Variants in CLYBL observed in about 807,000 individuals in gnomAD.
CLYBL encodes citramalyl-CoA lyase.
In CLYBL, 31 loss-of-function variants were observed where a neutral mutation model predicts 38.9. The observed-to-expected ratio is 0.80, with a 90% CI of 0.60 to 1.08. The LOEUF is 1.08. Among genes scored for constraint, CLYBL ranks in the 50% least tolerant of loss-of-function variants. The probability of loss-of-function intolerance (pLI) is 0.00; values close to 1 mark genes in which losing one functional copy is unlikely to be tolerated. For synonymous variants in CLYBL, 171 were observed against 158.6 expected (o/e 1.08, Z -0.59); for missense variants, 434 against 411.6 (o/e 1.05, Z -0.47).
rs918601133 is a variant in CLYBL, at chr13:99,748,954, G to A, written c.63-23870G>A. 4.6e-5 allele frequency among the ~76,000 whole-genome samples: 7 copies of A among 151,972 alleles called. No homozygotes were observed. In the East Asian group the frequency reaches 7.8e-4, roughly 17 times the overall value. The stretch of plus-strand genomic sequence containing the variant: ...AACACTTTGGGAGGCCAAGGTGTGC[G>A]GATCACCTGAGGTCAGGAGTTCGAG... On this transcript the variant is annotated intron_variant, in intron 1 of 8. Coordinates refer to ENST00000339105, the MANE Select transcript of CLYBL (RefSeq NM_206808.5).
chr13:99,733,061 A>G (rs1436977842), intron 1 of CLYBL, among the ~76,000 whole-genome samples: 1 of 152,210 alleles, frequency 6.6e-6, no homozygotes, highest in Non-Finnish European at 1.5e-5. Flanking sequence ...TTTAATTCGC[A>G]TCTGTTATGT....
At chr13:99,718,316 G>C (rs2048347704) in intron 1 of CLYBL, among the ~76,000 whole-genome samples, 1 of 150,828 alleles carries the variant, frequency 6.6e-6, no homozygotes, top group Non-Finnish European at 1.5e-5. Flanking sequence ...CCAAGTTCCA[G>C]CCTCTTCTAG....
At chr13:99,731,690 C>T (rs1030156587) in intron 1 of CLYBL, among the ~76,000 whole-genome samples, 1 of 152,162 alleles carries the variant, frequency 6.6e-6, no homozygotes, top group South Asian at 2.1e-4. Flanking sequence ...GGATGGCTCT[C>T]ACGGACGTGC....
chr13:99,897,875 G>A (rs2052600203), downstream of CLYBL, among the ~76,000 whole-genome samples: 1 of 152,086 alleles, frequency 6.6e-6, no homozygotes, highest in South Asian at 2.1e-4. Flanking sequence ...TGACCCGGGA[G>A]GCAGAGGTTG....
intron 1 of CLYBL, among the ~76,000 whole-genome samples, chr13:99,632,634 A>G (rs531147040): frequency 1.3e-5 from 2 of 152,302 alleles, no homozygotes; most frequent in South Asian, 4.1e-4. Flanking sequence ...AGTCCCAGCT[A>G]TTCAAGAGGC....
intron 1 of CLYBL, among the ~76,000 whole-genome samples, chr13:99,674,293 A>T (rs147444340): frequency 0.017 from 2,623 of 151,738 alleles, 77 homozygotes; most frequent in African/African-American, 0.06. Context: ...CTGGGATTAC[A>T]GGCACGTGCC....
At chr13:99,741,465 A>C (rs1404069247) in intron 1 of CLYBL, among the ~76,000 whole-genome samples, 1 of 152,182 alleles carries the variant, frequency 6.6e-6, no homozygotes, top group Non-Finnish European at 1.5e-5. Context: ...TTGTGGGGAT[A>C]CTTGAAGGCT....
At chr13:99,767,689 T>C (rs1222922370) in intron 1 of CLYBL, among the ~76,000 whole-genome samples, 2 of 152,216 alleles carry the variant, frequency 1.3e-5, no homozygotes, top group African/African-American at 4.8e-5. Flanking sequence ...TTGTCCTCTC[T>C]TCAAGTTTGC....
At chr13:99,636,875 C>T (rs767680819) in intron 1 of CLYBL, among the ~76,000 whole-genome samples, 9 of 151,894 alleles carry the variant, frequency 5.9e-5, no homozygotes, top group East Asian at 1.9e-4. Flanking sequence ...AGTGTGGTTG[C>T]GGTCTAATTT....
intron 1 of CLYBL, among the ~76,000 whole-genome samples, chr13:99,608,353 G>A (rs2046565757): frequency 1.3e-5 from 2 of 152,328 alleles, no homozygotes; most frequent in Middle Eastern, 6.8e-3. Context: ...GATTAAAGGC[G>A]TGAGCCACCG....
chr13:99,767,954 T>G, intron 1 of CLYBL, among the ~76,000 whole-genome samples: 1 of 152,190 alleles, frequency 6.6e-6, no homozygotes, highest in East Asian at 1.9e-4. Flanking sequence ...TTCTGTTGAC[T>G]TATTTTTCTT....
chr13:99,866,294 T>C lies in CLYBL; in HGVS notation c.689T>C (p.Val230Ala). 6.2e-7 allele frequency: 1 copy of C among 1,614,086 alleles called. No homozygotes were observed. Among genetic ancestry groups the C allele is most frequent in the Middle Eastern group, 1.7e-4 (1 of 6,034 alleles). The change falls in exon 6 of 9, where the codon GTT (valine) becomes GCT (alanine). Residue 230 changes from valine to alanine, a missense_variant. Transcript: ENST00000339105. ...ATTCTCTACGCCCGGCAAAAGATTG[T>C]TGTCATAGCGAAAGCCTTTGGTCTC... ...LDILYARQKI[V>A]VIAKAFGLQA...
chr13:99,607,882 T>C (rs2046553512), intron 1 of CLYBL, among the ~76,000 whole-genome samples: 1 of 152,080 alleles, frequency 6.6e-6, no homozygotes, highest in African/African-American at 2.4e-5. Context: ...TGGCTGGCAT[T>C]ACAGGTGTGC....
rs1260332084 is a variant in CLYBL at position 99,716,787 on chromosome 13, C to CTTTTTTTTTTTTT, written c.63-56028_63-56016dup. ...CTCTTACTTTAATTTCTTTTCTTTT[C>CTTTTTTTTTTTTT]TTTTTTTTTTTTTTTTTTTTTGAGA... On this transcript the variant is annotated intron_variant, in intron 1 of 8. Transcript: ENST00000339105. Among the ~76,000 whole-genome samples, 21 of 100,902 alleles carry CTTTTTTTTTTTTT rather than the reference C, an allele frequency of 2.1e-4. 1 individual carries two copies. Among genetic ancestry groups the CTTTTTTTTTTTTT allele is most frequent in the South Asian group, 3.4e-4 (1 of 2,918 alleles). The allele number at this position is 100,902 out of a possible 152,430, so 66.2% of individuals were successfully genotyped here.
chr13:99,733,252 A>G (rs777232429), intron 1 of CLYBL, among the ~76,000 whole-genome samples: 2 of 151,956 alleles, frequency 1.3e-5, no homozygotes, highest in Non-Finnish European at 2.9e-5. Flanking sequence ...GATATAGTAG[A>G]GATGAGTAGA....
intron 1 of CLYBL, among the ~76,000 whole-genome samples, chr13:99,765,656 C>T (rs1187080556): frequency 1.3e-5 from 2 of 151,960 alleles, no homozygotes; most frequent in African/African-American, 2.4e-5. Flanking sequence ...CAAATCCTCC[C>T]TCTCAGCCTC....
chr13:99,628,140 C>G (rs978417804), intron 1 of CLYBL, among the ~76,000 whole-genome samples: 20 of 152,312 alleles, frequency 1.3e-4, no homozygotes, highest in Non-Finnish European at 2.2e-4. Context: ...GTAGACAAAA[C>G]TCGTGTCTGG....
chr13:99,643,971 C>T (rs1482504762), intron 1 of CLYBL, among the ~76,000 whole-genome samples: 1 of 142,700 alleles, frequency 7.0e-6, no homozygotes, highest in Non-Finnish European at 1.5e-5. Flanking sequence ...CGCCATTGCA[C>T]TCCAGCCTGG....
chr13:99,779,809 G>T (rs960024352), intron 2 of CLYBL, among the ~76,000 whole-genome samples: 1 of 151,946 alleles, frequency 6.6e-6, no homozygotes, highest in African/African-American at 2.4e-5. Context: ...TCTTTTTGTT[G>T]CTGAGCTCTA....
Sources: allele counts gnomAD v4.1 joint callset (sites outside exome capture counted in the v4.1 genomes callset), GRCh38; gene constraint gnomAD v4.1.1; transcripts MANE v1.5; gene names NCBI Gene and HGNC (gene_info 2026-07-23, HGNC 2026-07-21).